The following DOCK5 variants were observed in gnomAD, a reference collection of about 807,000 sequenced individuals.
The protein encoded by DOCK5 is dedicator of cytokinesis 5.
A neutral mutation model predicts 251.8 loss-of-function variants in DOCK5; 142 were observed. The observed-to-expected ratio is 0.56, with a 90% CI of 0.49 to 0.65. The LOEUF (loss-of-function observed/expected upper bound fraction) is 0.65, where lower values mean the gene tolerates loss of function less well. Ranked by LOEUF, DOCK5 falls within the 30% of genes least tolerant of loss-of-function variation. The probability of loss-of-function intolerance (pLI) is 0.00; values close to 1 mark genes in which losing one functional copy is unlikely to be tolerated. For missense variants in DOCK5, 2,111 were observed against 2,312.3 expected (o/e 0.91, Z 1.79); for synonymous variants, 842 against 835.5 (o/e 1.01, Z -0.13).
At chr8:25,196,474 A>G (rs1303925609) in intron 1 of DOCK5, among the ~76,000 whole-genome samples, 1 of 152,244 alleles carries the variant, frequency 6.6e-6, no homozygotes, top group Non-Finnish European at 1.5e-5. Context: ...AATCTGAGAA[A>G]TCACAAGTAA....
chr8:25,206,537 C>T (rs1802005650), intron 1 of DOCK5, among the ~76,000 whole-genome samples: 1 of 152,184 alleles, frequency 6.6e-6, no homozygotes, highest in South Asian at 2.1e-4. Flanking sequence ...CTCCAGTATT[C>T]TGTGAAAAAC....
intron 1 of DOCK5, among the ~76,000 whole-genome samples, chr8:25,226,258 CTTTTT>C (rs1179597860): frequency 3.1e-4 from 36 of 116,936 alleles, no homozygotes; most frequent in Non-Finnish European, 4.9e-4. Context: ...GTATAGGCTG[CTTTTT>C]TTTTTTTTTT....
In DOCK5 at chr8:25,310,514, C is replaced by G. The variant is rs550040411; in HGVS notation, c.1300C>G (p.Pro434Ala). 8.7e-6 allele frequency: 14 copies of G among 1,611,612 alleles called. No homozygotes were observed. In the South Asian group the frequency reaches 1.3e-4, roughly 15 times the overall value. Residue 434 changes from proline to alanine, a missense_variant, in exon 13 of 52, where the codon CCT (proline) becomes GCT (alanine). Pro to Ala is a conservative substitution (Grantham distance 27). This residue lies in a region of DOCK5 where 1,717 missense variants were observed against 1,892.4 expected (regional missense o/e 0.91). Coordinates refer to ENST00000276440, the MANE Select transcript of DOCK5 (RefSeq NM_024940.8). ...AGCAATAGCCCGGAAGATGGGCTTTCCTGAAATCATACTGCCAGGTAAGCA... is the reference window on the plus strand; with the variant it reads ...AGCAATAGCCCGGAAGATGGGCTTTGCTGAAATCATACTGCCAGGTAAGCA... ...STAIARKMGF[P>A]EIILPGDVRN...
At chr8:25,226,346 T>A (rs1802531549) in intron 1 of DOCK5, among the ~76,000 whole-genome samples, 1 of 130,552 alleles carries the variant, frequency 7.7e-6, no homozygotes, top group African/African-American at 2.9e-5. Flanking sequence ...CACTGCAACC[T>A]CCATCTCCCA....
intron 1 of DOCK5, among the ~76,000 whole-genome samples, chr8:25,208,309 AG>A (rs1278983822): frequency 2.6e-5 from 4 of 152,242 alleles, no homozygotes; most frequent in African/African-American, 9.6e-5. Flanking sequence ...GAAAGGTTTG[AG>A]AGGATTGACT....
intron 43 of DOCK5, among the ~76,000 whole-genome samples, chr8:25,392,313 A>G (rs1801274904): frequency 6.6e-6 from 1 of 152,144 alleles, no homozygotes. Context: ...CAAAAAAAAA[A>G]AAAAAAAAGG....
At chr8:25,363,635 T>C (rs1474204329) in intron 29 of DOCK5, among the ~76,000 whole-genome samples, 1 of 152,250 alleles carries the variant, frequency 6.6e-6, no homozygotes, top group East Asian at 1.9e-4. Context: ...CCTAAAATAA[T>C]TTAGTAGTTC....
chr8:25,187,342 T>C (rs1801461052), intron 1 of DOCK5, among the ~76,000 whole-genome samples: 1 of 149,608 alleles, frequency 6.7e-6, no homozygotes, highest in Non-Finnish European at 1.5e-5. Flanking sequence ...TATATATATG[T>C]ATATGGAAAT....
chr8:25,404,410 C>T (rs540255198), intron 48 of DOCK5, among the ~76,000 whole-genome samples: 4 of 152,178 alleles, frequency 2.6e-5, no homozygotes, highest in South Asian at 2.1e-4. Flanking sequence ...ATGCTTGGGG[C>T]CCGAAGTGTT....
intron 1 of DOCK5, among the ~76,000 whole-genome samples, chr8:25,201,098 G>A (rs186836074): frequency 6.6e-6 from 1 of 152,258 alleles, no homozygotes; most frequent in African/African-American, 2.4e-5. Context: ...GTAGAGACAG[G>A]GTTTCACCAT....
At chr8:25,189,046 CTTTTTTT>C (rs869176300) in intron 1 of DOCK5, among the ~76,000 whole-genome samples, 12 of 33,438 alleles carry the variant, frequency 3.6e-4, no homozygotes, top group Admixed American at 4.1e-4. Context: ...TTCTTTCTTT[CTTTTTTT>C]TTTTTTTTTT....
intron 33 of DOCK5, among the ~76,000 whole-genome samples, chr8:25,369,013 C>A (rs535605635): frequency 6.6e-6 from 1 of 152,276 alleles, no homozygotes; most frequent in South Asian, 2.1e-4. Context: ...TCAGTATAGC[C>A]TAGAGAATAA....
intron 3 of DOCK5, among the ~76,000 whole-genome samples, chr8:25,272,083 C>T (rs962386720): frequency 5.3e-5 from 8 of 152,060 alleles, no homozygotes; most frequent in Admixed American, 2.6e-4. Flanking sequence ...GGCTGGAGTA[C>T]AGTGGCGTGA....
At chr8:25,206,194 A>G (rs984602111) in intron 1 of DOCK5, among the ~76,000 whole-genome samples, 1 of 152,196 alleles carries the variant, frequency 6.6e-6, no homozygotes, top group Non-Finnish European at 1.5e-5. Flanking sequence ...TGGCAAGTGG[A>G]TAATGAGGAA....
chr8:25,194,129 CAA>C, intron 1 of DOCK5, among the ~76,000 whole-genome samples: 2 of 139,144 alleles, frequency 1.4e-5, no homozygotes, highest in Admixed American at 1.4e-4. Flanking sequence ...CTAAAAAATA[CAA>C]AAAAAAAAAA....
intron 28 of DOCK5, among the ~76,000 whole-genome samples, chr8:25,362,452 C>CTTTTTTTTTTTTTTTTTTTTTT (rs1563216376): frequency 9.3e-6 from 1 of 107,082 alleles, no homozygotes; most frequent in Non-Finnish European, 1.9e-5. Flanking sequence ...CTTTTCTTTT[C>CTTTTTTTTTTTTTTTTTTTTTT]TTTTCTTTTC....
Position 25,244,578 on chromosome 8 carries a change from G to A in DOCK5, c.127+821G>A, listed in dbSNP as rs189451128. 1.5e-4 allele frequency among the ~76,000 whole-genome samples: 23 copies of A among 152,312 alleles called. 1 individual carries two copies. The East Asian group carries it at 4.1e-3, about 27-fold the overall frequency. ...AAATTAGGCAGATTTGACAGGGACC[G>A]TGCATTTTCCGGGTCTAGCCCCCAT... On this transcript the variant is annotated intron_variant, in intron 2 of 51. Coordinates refer to ENST00000276440, the MANE Select transcript of DOCK5 (RefSeq NM_024940.8).
chr8:25,384,897 C>T (rs1034594614), intron 40 of DOCK5, among the ~76,000 whole-genome samples: 4 of 152,274 alleles, frequency 2.6e-5, no homozygotes, highest in Admixed American at 2.6e-4. Context: ...GGTGCCACTG[C>T]ACTCCAGCCT....
In DOCK5 at chr8:25,278,566, T is replaced by C. The variant is rs773182868; in HGVS notation, c.225-3T>C. 6.2e-7 allele frequency: 1 copy of C among 1,613,924 alleles called. No individual in the cohort carries two copies. On this transcript the variant is annotated splice_region_variant and splice_polypyrimidine_tract_variant and intron_variant, in intron 4 of 51. Transcript: ENST00000276440. ...AAAGTGACCCTCGTTTGGTTCTTTG[T>C]AGGCAGCATGAAACCGTGATTCCTG...
Sources: allele counts gnomAD v4.1 joint callset (sites outside exome capture counted in the v4.1 genomes callset), GRCh38; gene constraint gnomAD v4.1.1; regional missense constraint gnomAD v4.1.1; transcripts MANE v1.5; gene names NCBI Gene and HGNC (gene_info 2026-07-23, HGNC 2026-07-21).